ITGAX: variants seen among roughly 807,000 people sequenced by gnomAD.
ITGAX encodes integrin alpha-X.
ITGAX carries 99 observed loss-of-function variants against 140.2 expected under a neutral mutation model. That is an observed-to-expected ratio of 0.71 (90% CI 0.60 to 0.83). The LOEUF is 0.83. Ranked by LOEUF, ITGAX falls within the 40% of genes least tolerant of loss-of-function variation. The pLI is 0.00. For synonymous variants in ITGAX, 631 were observed against 600.4 expected, an observed-to-expected ratio of 1.05 and a Z score of -0.75; for missense variants, 1,444 against 1,482.0, an observed-to-expected ratio of 0.97 and a Z score of 0.42.
chr16:31,367,106 C>T (rs1328459799), intron 14 of ITGAX, among the ~76,000 whole-genome samples: 5 of 152,206 alleles, frequency 3.3e-5, no homozygotes, highest in African/African-American at 1.2e-4. Context: ...GGTCCGAATG[C>T]TCTTCAGTTC....
rs1597064741 is a variant in ITGAX, at chr16:31,360,637, A to C, written c.861+174A>C. ...TGGGCTCCAGTGATCCTCCCACCCC[A>C]GCCTCCCCAGTAGCTGGGACCACAG... On this transcript the variant is annotated intron_variant, in intron 8 of 29. Transcript: ENST00000268296. The C allele has an allele frequency of 4.9e-6, 3 of 613,828 alleles. No individual in the cohort carries two copies. In the East Asian group the frequency reaches 8.7e-5, roughly 18 times the overall value. 38.0% of individuals were successfully genotyped at this position (613,828 alleles called of 1,614,324 possible).
In ITGAX at chr16:31,372,393, T is replaced by C. The variant is rs778567830; in HGVS notation, c.2176T>C (p.Ser726Pro). 2 of 1,606,820 alleles carry C rather than the reference T, an allele frequency of 1.2e-6. No individual in the cohort carries two copies. The highest frequency in any genetic ancestry group is 1.7e-6 in the Non-Finnish European group (2 of 1,178,190). The change falls in exon 18 of 30, where the codon TCT becomes CCT. Residue 726 changes from serine (S) to proline (P), a missense_variant. Ser to Pro is a moderately conservative substitution (Grantham distance 74). Transcript: ENST00000268296. ...NLLLPSCVED[S>P]VTPITLRLNF... ...CGTCCCCCAGAGCTGCGTGGAGGACTCTGTGACCCCCATTACCTTGCGTCT... is the reference window on the plus strand; with the variant it reads ...CGTCCCCCAGAGCTGCGTGGAGGACCCTGTGACCCCCATTACCTTGCGTCT...
chr16:31,380,855 TAGG>T, intron 28 of ITGAX, 39 bp from the exon 29 acceptor site: 1 of 1,546,366 alleles, frequency 6.5e-7, no homozygotes, highest in Non-Finnish European at 8.9e-7. Context: ...TCTGGGATAG[TAGG>T]AGGATGGGAG....
rs1355426591 is a variant in ITGAX at position 31,382,644 on chromosome 16, C to A, written c.*737C>A. On this transcript the variant is annotated 3_prime_UTR_variant, in exon 30 of 30. Coordinates refer to ENST00000268296, the MANE Select transcript of ITGAX (RefSeq NM_000887.5). ...CAGCTCAGGGCTTCATCGTGGGGCT[C>A]TCAGTTCCGATTTCCCAGGCTGAAT... 1 of 633,712 alleles carries A rather than the reference C, an allele frequency of 1.6e-6. No individual in the cohort carries two copies. Among genetic ancestry groups the A allele is most frequent in the Non-Finnish European group, 2.9e-6 (1 of 347,214 alleles). The allele number at this position is 633,712 out of a possible 1,614,324, so 39.3% of individuals were successfully genotyped here.
chr16:31,371,359 G>T lies in ITGAX; in HGVS notation c.1867G>T (p.Val623Leu). 1.9e-6 allele frequency: 3 copies of T among 1,614,178 alleles called. No individual in the cohort carries two copies. The highest frequency in any genetic ancestry group is 2.5e-6 in the Non-Finnish European group (3 of 1,180,036). Residue 623 changes from valine to leucine, a missense_variant, in exon 16 of 30, where the codon GTG becomes TTG. Val to Leu is a conservative substitution (Grantham distance 32, BLOSUM62 1). Transcript: ENST00000268296. ...GACCAGACCTGTGCTCTGGGTGGGG[G>T]TGAGCATGCAGTTCATACCTGCCGA... ...LRTRPVLWVG[V>L]SMQFIPAEIP...
In ITGAX at chr16:31,359,763, G is replaced by A. The variant is rs748559101; in HGVS notation, c.494G>A (p.Arg165His). 11 of 1,614,020 alleles carry A rather than the reference G, an allele frequency of 6.8e-6. No individual in the cohort carries two copies. In the Admixed American group the frequency reaches 8.3e-5, roughly 12 times the overall value. The change falls in exon 6 of 30, where the codon CGC becomes CAC. Residue 165 changes from arginine to histidine, a missense_variant. Transcript: ENST00000268296. Reference protein sequence around the residue: ...LIDGSGSISSRNFATMMNFVR... With the variant: ...LIDGSGSISSHNFATMMNFVR... The stretch of plus-strand genomic sequence containing the variant: ...GATGGCTCAGGCAGCATCTCCTCCC[G>A]CAACTTTGCCACGATGATGAACTTC...
chr16:31,356,880 G>A (rs2080766452), intron 3 of ITGAX, 151 bp from the exon 4 acceptor site: 2 of 811,328 alleles, frequency 2.5e-6, no homozygotes, highest in Non-Finnish European at 3.9e-6. Context: ...AGGCCTCCCC[G>A]CCCATCGCAC....
In ITGAX at chr16:31,382,043, A is replaced by G. The variant is rs1183427528; in HGVS notation, c.*136A>G. The G allele has an allele frequency of 6.9e-7, 1 of 1,443,244 alleles. No individual in the cohort carries two copies. Among genetic ancestry groups the G allele is most frequent in the African/African-American group, 1.5e-5 (1 of 68,918 alleles). 89.4% of individuals were successfully genotyped at this position (1,443,244 alleles called of 1,614,324 possible). On this transcript the variant is annotated 3_prime_UTR_variant, in exon 30 of 30. Coordinates refer to ENST00000268296, the MANE Select transcript of ITGAX (RefSeq NM_000887.5). ...TGGGCCTGCTTCCTGTCTTTGGGAG[A>G]AAACGTCTTGCTTGGGAAGGGGCCT...
Position 31,363,040 on chromosome 16 carries a change from G to A in ITGAX, c.1465G>A (p.Gly489Arg). 21 of 1,612,208 alleles carry A rather than the reference G, an allele frequency of 1.3e-5. No individual in the cohort carries two copies. The highest frequency in any genetic ancestry group is 1.7e-5 in the Non-Finnish European group (20 of 1,179,750). ...CCCCCATTACTACGAGCAGACCCGA[G>A]GGGGCCAGGTGTCTGTGTGTCCCTT... ...GAPHYYEQTR[G>R]GQVSVCPLPR... Residue 489 changes from glycine to arginine, a missense_variant, in exon 13 of 30, where the codon GGG becomes AGG. Physicochemically the swap from Gly to Arg is moderately radical, Grantham distance 125. Transcript: ENST00000268296.
intron 9 of ITGAX, 161 bp from the exon 10 acceptor site, chr16:31,361,675 C>A: frequency 2.4e-6 from 2 of 841,226 alleles, no homozygotes; most frequent in South Asian, 3.0e-5. Flanking sequence ...AGAGGGGGGC[C>A]CCGAAGTCGG....
At chr16:31,377,407 T>G in intron 23 of ITGAX, 142 bp downstream of exon 23, 2 of 659,010 alleles carry the variant, frequency 3.0e-6, no homozygotes, top group Middle Eastern at 4.2e-4. Context: ...GCAGACACCT[T>G]CCTTCAGCCA....
At chr16:31,366,751 A>T (rs2080896466) in intron 14 of ITGAX, among the ~76,000 whole-genome samples, 1 of 152,150 alleles carries the variant, frequency 6.6e-6, no homozygotes, top group African/African-American at 2.4e-5. Flanking sequence ...CCTGACTCTA[A>T]GTGATCTGCC....
chr16:31,382,172 C>A lies in ITGAX; in HGVS notation c.*265C>A, dbSNP rs1160569540. 5 of 1,409,064 alleles carry A rather than the reference C, an allele frequency of 3.5e-6. No individual in the cohort carries two copies. The highest frequency in any genetic ancestry group is 2.6e-5 in the East Asian group (1 of 38,472). The allele number at this position is 1,409,064 out of a possible 1,614,324, so 87.3% of individuals were successfully genotyped here. On this transcript the variant is annotated 3_prime_UTR_variant, in exon 30 of 30. Coordinates refer to ENST00000268296, the MANE Select transcript of ITGAX (RefSeq NM_000887.5). ...TCTACCTAGAAATACATGGACAATA[C>A]CCCCAGGCCTCAGTCTCCCTTCTCC...
chr16:31,377,439 T>G (rs1049256986), intron 23 of ITGAX, among the ~76,000 whole-genome samples, 174 bp downstream of exon 23: 21 of 152,218 alleles, frequency 1.4e-4, no homozygotes, highest in Admixed American at 1.1e-3. Flanking sequence ...GAATTTGCTG[T>G]GTGCCAGGCA....
rs1368140593 is a variant in ITGAX, at chr16:31,371,376, A to T, written c.1884A>T (p.Ile628=). ...GGGTGGGGGTGAGCATGCAGTTCAT[A>T]CCTGCCGAGATCCCCAGGTCTGCGT... ...VLWVGVSMQF[I]PAEIPRSAFE... is the part of the protein sequence containing the mutation. Residue 628 remains isoleucine, a synonymous_variant, in exon 16 of 30, where the codon ATA becomes ATT. Coordinates refer to ENST00000268296, the MANE Select transcript of ITGAX (RefSeq NM_000887.5). The T allele has an allele frequency of 5.6e-6, 9 of 1,614,088 alleles. No homozygotes were observed. Among genetic ancestry groups the T allele is most frequent in the Non-Finnish European group, 7.6e-6 (9 of 1,180,028 alleles).
Position 31,377,283 on chromosome 16 carries a change from T to G in ITGAX, c.2789+18T>G. ...GTTAGCAGGTCAGCAGGTACCCCAC[T>G]GCAGGAAAAAGGGTTCTTCTCTCTG... On this transcript the variant is annotated intron_variant, in intron 23 of 29. Transcript: ENST00000268296. 6.3e-7 allele frequency: 1 copy of G among 1,575,658 alleles called. No individual in the cohort carries two copies. The highest frequency in any genetic ancestry group is 8.6e-7 in the Non-Finnish European group (1 of 1,160,774).
At chr16:31,370,894 T>C (rs923970070) in intron 14 of ITGAX, among the ~76,000 whole-genome samples, 190 bp from the exon 15 acceptor site, 11 of 152,080 alleles carry the variant, frequency 7.2e-5, no homozygotes, top group African/African-American at 2.7e-4. Flanking sequence ...ATCTCCACTC[T>C]TACATCTGTT....
chr16:31,382,553 G>A lies in ITGAX; in HGVS notation c.*646G>A, dbSNP rs1048356885. 7 of 943,738 alleles carry A rather than the reference G, an allele frequency of 7.4e-6. No individual in the cohort carries two copies. The highest frequency in any genetic ancestry group is 8.3e-6 in the Non-Finnish European group (5 of 605,556). The allele number at this position is 943,738 out of a possible 1,614,324, so 58.5% of individuals were successfully genotyped here. ...CATCCCAGAGGGTGGGCTTCAGGGC[G>A]CACAGCATGAGAGGCTCTGTGCCCC... On this transcript the variant is annotated 3_prime_UTR_variant, in exon 30 of 30. Transcript: ENST00000268296.
At chr16:31,368,819 A>G (rs1439968857) in intron 14 of ITGAX, among the ~76,000 whole-genome samples, 1 of 151,410 alleles carries the variant, frequency 6.6e-6, no homozygotes, top group South Asian at 2.1e-4. Flanking sequence ...CTTAACGAGC[A>G]TGCTGCCTTC....
Sources: allele counts gnomAD v4.1 joint callset (sites outside exome capture counted in the v4.1 genomes callset), GRCh38; gene constraint gnomAD v4.1.1; transcripts MANE v1.5; gene names NCBI Gene and HGNC (gene_info 2026-07-23, HGNC 2026-07-21).